ARSF: variants seen among roughly 807,000 people sequenced by gnomAD.
The protein encoded by ARSF is arylsulfatase F.
ARSF carries 33 observed loss-of-function variants against 35.4 expected under a neutral mutation model. The ratio of observed to expected loss-of-function variants is 0.93; its 90% CI spans 0.71 to 1.25. The LOEUF is 1.25. Among genes scored for constraint, ARSF ranks in the 50% most tolerant of loss-of-function variants. The pLI is 0.00. For missense variants in ARSF, 501 were observed against 480.2 expected (o/e 1.04, Z -0.40); for synonymous variants, 222 against 193.1 (o/e 1.15, Z -1.24).
intron 1 of ARSF, among the ~76,000 whole-genome samples, chrX:3,056,345 G>C (rs978436444): frequency 9.5e-6 from 1 of 105,128 alleles, no homozygotes; most frequent in Non-Finnish European, 1.9e-5. Context: ...GCGCTATCTC[G>C]GCTCACTGCA....
intron 1 of ARSF, among the ~76,000 whole-genome samples, chrX:3,053,274 G>C (rs1400302884): frequency 9.1e-6 from 1 of 109,847 alleles, no homozygotes; most frequent in Non-Finnish European, 1.9e-5. Flanking sequence ...TACATTGAGA[G>C]ATCATTTCTT....
At chrX:3,080,813 G>A (rs1448829115) in intron 4 of ARSF, 78 bp from the exon 5 acceptor site, 2 of 1,138,862 alleles carry the variant, frequency 1.8e-6, no homozygotes, top group Non-Finnish European at 2.4e-6. Context: ...GGATTTCAAT[G>A]TGCAAATTTT....
At chrX:3,050,697 C>A (rs1422431528) in intron 1 of ARSF, among the ~76,000 whole-genome samples, 1 of 110,936 alleles carries the variant, frequency 9.0e-6, no homozygotes, top group East Asian at 2.8e-4. Context: ...GTCTTGTGTC[C>A]CTTCTCCGCT....
At chrX:3,080,694 C>G (rs759462244) in intron 4 of ARSF, among the ~76,000 whole-genome samples, 197 bp from the exon 5 acceptor site, 2 of 110,540 alleles carry the variant, frequency 1.8e-5, no homozygotes, top group Admixed American at 9.6e-5. Context: ...GGTGAGGGAG[C>G]TCTCTGGGGT....
rs148943636 is a variant in ARSF, at chrX:3,090,773, G to T, written c.967+1141G>T. 6.6e-3 allele frequency among the ~76,000 whole-genome samples: 742 copies of T among 112,220 alleles called. 3 individuals are homozygous for T. The highest frequency in any genetic ancestry group is 0.023 in the African/African-American group (708 of 30,934). ...ATGTTGCTGCAAAGGACATGATCTT[G>T]TTCTTTTTTATGGCTGTGTAATATT... On this transcript the variant is annotated intron_variant, in intron 7 of 10. Coordinates refer to ENST00000381127, the MANE Select transcript of ARSF (RefSeq NM_001201539.2).
chrX:3,062,433 G>A (rs1258154631), intron 1 of ARSF, among the ~76,000 whole-genome samples: 1 of 111,151 alleles, frequency 9.0e-6, no homozygotes, highest in South Asian at 3.8e-4. Flanking sequence ...GCTAGCAGAA[G>A]GCAAGAAATA....
chrX:3,091,122 C>A (rs934373388), intron 7 of ARSF, among the ~76,000 whole-genome samples: 2 of 111,328 alleles, frequency 1.8e-5, no homozygotes, highest in African/African-American at 6.5e-5. Context: ...TCCATGTTAC[C>A]CAGGCTGCTC....
At chrX:3,105,240 A>G (rs1405129675) in intron 9 of ARSF, among the ~76,000 whole-genome samples, 1 of 112,310 alleles carries the variant, frequency 8.9e-6, no homozygotes, top group African/African-American at 3.2e-5. Flanking sequence ...ACTGAAAAAC[A>G]AACTATCAAG....
intron 7 of ARSF, 30 bp downstream of exon 7, chrX:3,089,662 C>T (rs763809627): frequency 9.2e-5 from 111 of 1,203,365 alleles, no homozygotes; most frequent in Admixed American, 2.2e-5. Flanking sequence ...TGGACAGAAA[C>T]TAACGTGTTC....
chrX:3,074,706 A>G (rs918576060), intron 3 of ARSF, among the ~76,000 whole-genome samples: 14 of 111,595 alleles, frequency 1.3e-4, no homozygotes, highest in African/African-American at 4.6e-4. Flanking sequence ...AGCAATTTCA[A>G]GAATAGAATA....
chrX:3,040,952 C>T (rs1305989388), upstream of ARSF, among the ~76,000 whole-genome samples: 1 of 111,314 alleles, frequency 9.0e-6, no homozygotes, highest in African/African-American at 3.3e-5. Context: ...TTTAGTTCCT[C>T]ATTTTAAAAT....
chrX:3,040,371 T>G (rs1445284745), upstream of ARSF, among the ~76,000 whole-genome samples: 1 of 110,677 alleles, frequency 9.0e-6, no homozygotes, highest in African/African-American at 3.3e-5. Context: ...GGACCTTCCA[T>G]TTGGTTGATG....
intron 1 of ARSF, among the ~76,000 whole-genome samples, chrX:3,044,339 C>A (rs2089966559): frequency 8.9e-6 from 1 of 111,859 alleles, no homozygotes; most frequent in African/African-American, 3.2e-5. Flanking sequence ...GACCTTGACC[C>A]CCTTCGTGGG....
chrX:3,109,483 G>T (rs953209965), intron 9 of ARSF, among the ~76,000 whole-genome samples: 1 of 111,205 alleles, frequency 9.0e-6, no homozygotes, highest in Non-Finnish European at 1.9e-5. Flanking sequence ...CCATGTGCAG[G>T]TTTGTTATTT....
At chrX:3,086,900 C>G (rs773853449) in intron 6 of ARSF, among the ~76,000 whole-genome samples, 1 of 111,783 alleles carries the variant, frequency 8.9e-6, no homozygotes, top group Admixed American at 9.6e-5. Context: ...GTAAGAAATC[C>G]AAAATTAAAC....
At chrX:3,083,519 TATCTATCTATCC>T (rs58047032) in intron 5 of ARSF, among the ~76,000 whole-genome samples, 10,260 of 77,980 alleles carry the variant, frequency 0.13, 631 homozygotes, top group African/African-American at 0.22. Flanking sequence ...TCTATCTATC[TATCTATCTATCC>T]ATCCATCCAT....
At chrX:3,055,452 C>T (rs899024249) in intron 1 of ARSF, among the ~76,000 whole-genome samples, 6 of 110,435 alleles carry the variant, frequency 5.4e-5, no homozygotes, top group African/African-American at 2.0e-4. Flanking sequence ...GTTTCTGCTT[C>T]CCCTTATCCC....
At chrX:3,055,624 T>C (rs947132517) in intron 1 of ARSF, among the ~76,000 whole-genome samples, 1 of 111,790 alleles carries the variant, frequency 8.9e-6, no homozygotes, top group Non-Finnish European at 1.9e-5. Flanking sequence ...TTGACTCTGC[T>C]GTCAGCCCCT....
intron 1 of ARSF, among the ~76,000 whole-genome samples, chrX:3,065,636 C>CCA (rs1460210682): frequency 0.013 from 864 of 67,999 alleles, 12 homozygotes; most frequent in African/African-American, 0.043. Flanking sequence ...GACTCTGTCT[C>CCA]AAAAAAAAAA....
Sources: gnomAD v4.1 joint callset for allele counts (sites outside exome capture counted in the v4.1 genomes callset) on GRCh38, gnomAD v4.1.1 for gene constraint, MANE v1.5 for transcripts, NCBI Gene and HGNC (gene_info 2026-07-23, HGNC 2026-07-21) for gene names.